GPHN: variants seen among roughly 807,000 people sequenced by gnomAD.
GPHN encodes the protein gephyrin.
In GPHN, 17 loss-of-function variants were observed where a neutral mutation model predicts 95.5. That is an observed-to-expected ratio of 0.18 (90% CI 0.12 to 0.27). The LOEUF (loss-of-function observed/expected upper bound fraction) is 0.27, where lower values mean the gene tolerates loss of function less well. Among genes scored for constraint, GPHN ranks in the 10% least tolerant of loss-of-function variants. The pLI is 1.00. For synonymous variants in GPHN, 320 were observed against 322.5 expected, an observed-to-expected ratio of 0.99 and a Z score of 0.08; for missense variants, 660 against 978.1, an observed-to-expected ratio of 0.67 and a Z score of 4.34.
At chr14:66,839,369 T>A (rs1433382051) in intron 4 of GPHN, among the ~76,000 whole-genome samples, 1 of 152,214 alleles carries the variant, frequency 6.6e-6, no homozygotes, top group Non-Finnish European at 1.5e-5. Context: ...ATAATTTAAG[T>A]GTCTTACCCC....
At chr14:66,869,252 A>G (rs2063339868) in intron 4 of GPHN, among the ~76,000 whole-genome samples, 1 of 152,224 alleles carries the variant, frequency 6.6e-6, no homozygotes, top group Admixed American at 6.5e-5. Context: ...CTATTCATTA[A>G]CAGATACAGA....
intron 5 of GPHN, among the ~76,000 whole-genome samples, chr14:66,891,344 C>A (rs1011503864): frequency 2.6e-5 from 4 of 151,960 alleles, no homozygotes; most frequent in African/African-American, 9.7e-5. Flanking sequence ...GAAATAAGCC[C>A]TTGCATATAG....
rs561454806 is a variant in GPHN, at chr14:66,911,687, ATTC to A, written c.390-4311_390-4309del. 6.2e-3 allele frequency among the ~76,000 whole-genome samples: 941 copies of A among 152,056 alleles called. 10 individuals are homozygous for A. Among genetic ancestry groups the A allele is most frequent in the Non-Finnish European group, 7.7e-3 (521 of 67,894 alleles). On this transcript the variant is annotated intron_variant, in intron 5 of 22. Transcript: ENST00000478722. Reference sequence around the variant, plus strand: ...TTTTAAGAGAAGCAATATTTTTCATATTCTTCTATTCTCATGCCTGTTGTGATC... The same window carrying A: ...TTTTAAGAGAAGCAATATTTTTCATATTCTATTCTCATGCCTGTTGTGATC...
intron 9 of GPHN, among the ~76,000 whole-genome samples, chr14:66,977,966 G>T (rs554551233): frequency 1.3e-5 from 2 of 152,066 alleles, no homozygotes; most frequent in African/African-American, 4.8e-5. Flanking sequence ...CTGCAATAAA[G>T]CAAAAATTGC....
At chr14:67,604,582 GT>G in the GPHN span, among the ~76,000 whole-genome samples, 1 of 152,060 alleles carries the variant, frequency 6.6e-6, no homozygotes, top group South Asian at 2.1e-4. Context: ...CAGCTACTAG[GT>G]ACTAGGGAGG....
chr14:66,572,704 C>T (rs2060745218), intron 1 of GPHN, among the ~76,000 whole-genome samples: 1 of 151,910 alleles, frequency 6.6e-6, no homozygotes, highest in South Asian at 2.1e-4. Flanking sequence ...TGTCAGCAAC[C>T]AAAGACAATA....
At chr14:66,581,724 C>G (rs1308814724) in intron 1 of GPHN, among the ~76,000 whole-genome samples, 2 of 151,150 alleles carry the variant, frequency 1.3e-5, no homozygotes, top group South Asian at 2.1e-4. Context: ...TGATGGAAAC[C>G]AAAAGAAAGC....
the GPHN span, among the ~76,000 whole-genome samples, chr14:67,555,282 C>T: frequency 6.6e-6 from 1 of 152,174 alleles, no homozygotes; most frequent in African/African-American, 2.4e-5. Flanking sequence ...CTTTAAGATT[C>T]AAGAAATCAA....
intron 8 of GPHN, among the ~76,000 whole-genome samples, chr14:66,961,969 A>T: frequency 7.5e-6 from 1 of 133,538 alleles, no homozygotes; most frequent in South Asian, 2.4e-4. Context: ...CCAGAAATTT[A>T]CTCACATGGG....
the GPHN span, among the ~76,000 whole-genome samples, chr14:67,566,281 G>A: frequency 9.4e-5 from 3 of 31,816 alleles, no homozygotes; most frequent in African/African-American, 4.3e-4. Context: ...ACTAGGGGAT[G>A]GAAAAGCACT....
At chr14:67,426,185 C>A in the GPHN span, among the ~76,000 whole-genome samples, 1 of 152,068 alleles carries the variant, frequency 6.6e-6, no homozygotes, top group South Asian at 2.1e-4. Flanking sequence ...CCTTTTCCTG[C>A]GGAGAGACAA....
rs191607080 is a variant in GPHN at position 66,696,127 on chromosome 14, A to G, written c.143+14942A>G. The stretch of plus-strand genomic sequence containing the variant: ...CAGTACAAGGGATATATGGGAAATT[A>G]TATGGAAAAATTTCTCACTTCCTAA... On this transcript the variant is annotated intron_variant, in intron 2 of 22. Transcript: ENST00000478722. 1.4e-4 allele frequency among the ~76,000 whole-genome samples: 22 copies of G among 152,340 alleles called. No individual in the cohort carries two copies. In the East Asian group the frequency reaches 3.1e-3, roughly 21 times the overall value.
At chr14:66,587,741 G>A (rs1051586229) in intron 1 of GPHN, among the ~76,000 whole-genome samples, 18 of 152,218 alleles carry the variant, frequency 1.2e-4, no homozygotes, top group African/African-American at 4.1e-4. Flanking sequence ...AGCAGCCCCA[G>A]TGCTTATAGA....
chr14:66,651,269 G>A (rs1365087136), intron 1 of GPHN, among the ~76,000 whole-genome samples: 4 of 152,186 alleles, frequency 2.6e-5, no homozygotes, highest in Admixed American at 2.0e-4. Flanking sequence ...CAGAGAACTC[G>A]ATCTGTCGCT....
chr14:67,127,532 T>G (rs1431603682), intron 17 of GPHN, among the ~76,000 whole-genome samples: 2 of 152,182 alleles, frequency 1.3e-5, no homozygotes, highest in Non-Finnish European at 1.5e-5. Context: ...CGTCTGGAGA[T>G]CTTATTGAAA....
At chr14:67,057,365 TCACTTAAA>T (rs1487565535) in intron 10 of GPHN, among the ~76,000 whole-genome samples, 2 of 145,022 alleles carry the variant, frequency 1.4e-5, no homozygotes, top group African/African-American at 5.3e-5. Flanking sequence ...CTGCATGTTC[TCACTTAAA>T]GTGGGAGTTG....
chr14:67,496,113 C>A, the GPHN span, among the ~76,000 whole-genome samples: 3 of 152,220 alleles, frequency 2.0e-5, no homozygotes, highest in Non-Finnish European at 4.4e-5. Context: ...TGCTTGAGCC[C>A]AGGAGGGCAA....
the GPHN span, among the ~76,000 whole-genome samples, chr14:67,507,354 TAAACAA>T: frequency 0.014 from 2,077 of 151,780 alleles, 58 homozygotes; most frequent in African/African-American, 0.048. Flanking sequence ...GTCTCTAAAA[TAAACAA>T]AAACAAAAAC....
At chr14:67,620,114 G>C in the GPHN span, 11 of 1,524,790 alleles carry the variant, frequency 7.2e-6, no homozygotes, top group Non-Finnish European at 9.8e-6. Context: ...TGGAACCGCC[G>C]GGCAGGATCC....
Sources: allele counts gnomAD v4.1 joint callset (sites outside exome capture counted in the v4.1 genomes callset), GRCh38; gene constraint gnomAD v4.1.1; transcripts MANE v1.5; gene names NCBI Gene and HGNC (gene_info 2026-07-23, HGNC 2026-07-21).